The following KCNH8 variants were observed in gnomAD, a reference collection of about 807,000 sequenced individuals.
The protein encoded by KCNH8 is potassium voltage-gated channel subfamily H member 8, also known as voltage-gated delayed rectifier potassium channel KCNH8.
KCNH8 carries 70 observed loss-of-function variants against 103.6 expected under a neutral mutation model. That is an observed-to-expected ratio of 0.68 (90% CI 0.56 to 0.82). The LOEUF (loss-of-function observed/expected upper bound fraction) is 0.82, where lower values mean the gene tolerates loss of function less well. Among genes scored for constraint, KCNH8 ranks in the 40% least tolerant of loss-of-function variants. The pLI, the probability that KCNH8 is intolerant of heterozygous loss-of-function variation, is 0.00. For missense variants in KCNH8, 1,217 were observed against 1,329.9 expected (o/e 0.92, Z 1.32); for synonymous variants, 498 against 489.4 (o/e 1.02, Z -0.23).
intron 1 of KCNH8, among the ~76,000 whole-genome samples, chr3:19,153,284 C>T (rs1166444318): frequency 6.6e-6 from 1 of 152,144 alleles, no homozygotes; most frequent in Non-Finnish European, 1.5e-5. Context: ...ATTGCACAGT[C>T]TTAAAAGCTA....
chr3:19,499,106 G>A (rs938806138), intron 11 of KCNH8, among the ~76,000 whole-genome samples: 3 of 152,140 alleles, frequency 2.0e-5, no homozygotes, highest in Non-Finnish European at 2.9e-5. Flanking sequence ...GGAGCTGATG[G>A]AGCTGAAAAC....
chr3:19,170,452 CAGAG>C (rs2063329417), intron 1 of KCNH8, among the ~76,000 whole-genome samples: 1 of 151,652 alleles, frequency 6.6e-6, no homozygotes, highest in South Asian at 2.1e-4. Flanking sequence ...TTTACAGTAT[CAGAG>C]AGTTACATAG....
At position 19,162,332 on chromosome 3, in the gene KCNH8, T is replaced by C. The variant is rs573634754; in HGVS notation, c.76+13537T>C. Among the ~76,000 whole-genome samples, 12 of 142,558 alleles carry C rather than the reference T, an allele frequency of 8.4e-5. No individual in the cohort carries two copies. In the East Asian group the frequency reaches 2.4e-3, roughly 29 times the overall value. The allele number at this position is 142,558 out of a possible 152,430, so 93.5% of individuals were successfully genotyped here. A position where few individuals can be genotyped will look rare whatever the true frequency, so the allele number is the denominator to read the frequency against. On this transcript the variant is annotated intron_variant, in intron 1 of 15. Coordinates refer to ENST00000328405, the MANE Select transcript of KCNH8 (RefSeq NM_144633.3). ...TTCGAGACCAGCCTGGTCAACATGG[T>C]GAAAACCCATCTGTAACTAAAAATA...
At chr3:19,461,797 CTAA>C (rs2067635207) in intron 11 of KCNH8, among the ~76,000 whole-genome samples, 1 of 152,090 alleles carries the variant, frequency 6.6e-6, no homozygotes, top group Non-Finnish European at 1.5e-5. Flanking sequence ...GGTATTTCTC[CTAA>C]TGTCATCCCT....
intron 1 of KCNH8, 35 bp from the exon 2 acceptor site, chr3:19,253,619 T>C (rs757639009): frequency 3.5e-6 from 5 of 1,435,898 alleles, no homozygotes; most frequent in Non-Finnish European, 4.9e-6. Context: ...CACACTTATC[T>C]AGTTGCTGAG....
chr3:19,154,535 CT>C (rs1416257605), intron 1 of KCNH8, among the ~76,000 whole-genome samples: 1 of 152,204 alleles, frequency 6.6e-6, no homozygotes, highest in Non-Finnish European at 1.5e-5. Flanking sequence ...TAGATGCCAA[CT>C]TTAGACTTGG....
intron 3 of KCNH8, among the ~76,000 whole-genome samples, chr3:19,318,468 C>G (rs147473861): frequency 1.7e-4 from 26 of 151,854 alleles, no homozygotes; most frequent in African/African-American, 6.0e-4. Flanking sequence ...TTGTATCATT[C>G]TTATGCCTTT....
At chr3:19,444,885 A>G (rs879880614) in intron 8 of KCNH8, among the ~76,000 whole-genome samples, 1 of 152,016 alleles carries the variant, frequency 6.6e-6, no homozygotes, top group Non-Finnish European at 1.5e-5. Flanking sequence ...CTCCTCTCCT[A>G]TACTGTTGAT....
chr3:19,323,836 A>G (rs1030371289), intron 3 of KCNH8, among the ~76,000 whole-genome samples: 3 of 152,152 alleles, frequency 2.0e-5, no homozygotes, highest in African/African-American at 4.8e-5. Flanking sequence ...GTGTCTGCAA[A>G]GAGTCCTATG....
At chr3:19,513,472 T>A in intron 13 of KCNH8, 147 bp downstream of exon 13, 1 of 1,150,270 alleles carries the variant, frequency 8.7e-7, no homozygotes. Context: ...GGGCAATTTT[T>A]TGAGTTTATG....
Position 19,148,774 on chromosome 3 carries a change from G to A in KCNH8, c.55G>A (p.Ala19Thr). ...GCAAAACACCTTCCTGGACACCATC[G>A]CCACCCGTTTTGACGGAACACGTAA... is the stretch of plus-strand genomic sequence containing the variant. ...APQNTFLDTI[A>T]TRFDGTHSNF... Residue 19 changes from alanine (A) to threonine (T), a missense_variant, in exon 1 of 16, where the codon GCC (alanine) becomes ACC (threonine). Physicochemically the swap from Ala to Thr is moderately conservative, Grantham distance 58 (BLOSUM62 0). This residue lies in a region of KCNH8 where 244 missense variants were observed against 256.8 expected (regional missense o/e 0.95). Transcript: ENST00000328405. The A allele has an allele frequency of 4.3e-6, 7 of 1,614,082 alleles. No homozygotes were observed. Among genetic ancestry groups the A allele is most frequent in the Non-Finnish European group, 5.9e-6 (7 of 1,179,960 alleles).
chr3:19,191,842 T>C (rs1422483574), intron 1 of KCNH8, among the ~76,000 whole-genome samples: 1 of 151,840 alleles, frequency 6.6e-6, no homozygotes, highest in African/African-American at 2.4e-5. Context: ...ATGATTTCTA[T>C]AATAACCTAT....
At chr3:19,219,098 AG>A (rs2063845679) in intron 1 of KCNH8, among the ~76,000 whole-genome samples, 1 of 152,052 alleles carries the variant, frequency 6.6e-6, no homozygotes, top group Admixed American at 6.6e-5. Flanking sequence ...ACCCTCTTTG[AG>A]GTTTTTTGAG....
chr3:19,460,169 T>C (rs1481404921), intron 11 of KCNH8, among the ~76,000 whole-genome samples: 1 of 152,146 alleles, frequency 6.6e-6, no homozygotes, highest in Admixed American at 6.6e-5. Flanking sequence ...TTAGGCTTTG[T>C]TAAGGTGGCA....
At chr3:19,343,397 C>T (rs996551752) in intron 4 of KCNH8, among the ~76,000 whole-genome samples, 8 of 152,032 alleles carry the variant, frequency 5.3e-5, no homozygotes, top group Admixed American at 1.3e-4. Flanking sequence ...TCCAGGATTT[C>T]ACACTGAATT....
At chr3:19,274,587 G>A (rs940230415) in intron 2 of KCNH8, among the ~76,000 whole-genome samples, 3 of 152,226 alleles carry the variant, frequency 2.0e-5, no homozygotes, top group South Asian at 2.1e-4. Flanking sequence ...CAGTTAATTT[G>A]TTGAGCAAGG....
At chr3:19,469,900 T>C (rs760736268) in intron 11 of KCNH8, among the ~76,000 whole-genome samples, 21 of 152,128 alleles carry the variant, frequency 1.4e-4, no homozygotes, top group Non-Finnish European at 2.8e-4. Context: ...CCCATCTTCA[T>C]TGTTTTCTCA....
chr3:19,398,789 A>G (rs1295376157), intron 7 of KCNH8, among the ~76,000 whole-genome samples: 1 of 152,040 alleles, frequency 6.6e-6, no homozygotes, highest in African/African-American at 2.4e-5. Flanking sequence ...CAGCTAGTAT[A>G]ATTCTCATTA....
chr3:19,442,511 CACTG>C (rs2067298027), intron 8 of KCNH8, among the ~76,000 whole-genome samples: 1 of 152,140 alleles, frequency 6.6e-6, no homozygotes, highest in Non-Finnish European at 1.5e-5. Context: ...GTAGGTGCGA[CACTG>C]ATCACAAGGC....
Sources: gnomAD v4.1 joint callset for allele counts (sites outside exome capture counted in the v4.1 genomes callset) on GRCh38, gnomAD v4.1.1 for gene constraint, gnomAD v4.1.1 regional missense constraint, MANE v1.5 for transcripts, NCBI Gene and HGNC (gene_info 2026-07-23, HGNC 2026-07-21) for gene names.